The following FRAS1 variants were observed in gnomAD, a reference collection of about 807,000 sequenced individuals.
FRAS1 encodes the protein extracellular matrix organizing protein FRAS1.
Under a neutral mutation model 435.2 loss-of-function variants are expected in FRAS1, and 290 were observed. The observed-to-expected ratio is 0.67, with a 90% CI of 0.61 to 0.73. The LOEUF (loss-of-function observed/expected upper bound fraction) is 0.73. Ranked by LOEUF, FRAS1 falls within the 30% of genes least tolerant of loss-of-function variation. The pLI, the probability that FRAS1 is intolerant of heterozygous loss-of-function variation, is 0.00. For missense variants in FRAS1, 4,860 were observed against 5,001.5 expected, an observed-to-expected ratio of 0.97 and a Z score of 0.85; for synonymous variants, 1,800 against 1,851.0, an observed-to-expected ratio of 0.97 and a Z score of 0.71.
chr4:78,152,231 A>G (rs1720696422), intron 2 of FRAS1, among the ~76,000 whole-genome samples: 1 of 152,122 alleles, frequency 6.6e-6, no homozygotes. Flanking sequence ...TTGTGGATTC[A>G]TGTATTTGGA....
rs201369510 is a variant in FRAS1 at position 78,466,217 on chromosome 4, G to A, written c.7039G>A (p.Val2347Ile). Residue 2347 changes from valine (V) to isoleucine (I), a missense_variant, in exon 50 of 74, where the codon GTC becomes ATC. Transcript: ENST00000512123. ...TTTGCCTTCCGGACAGGCCGAGTCT[G>A]TCACATTCACCATCGTGCAGCCTCC... ...AVDADTEAES[V>I]TFTIVQPPRH... 1.2e-6 allele frequency: 2 copies of A among 1,613,752 alleles called. No individual in the cohort carries two copies. The highest frequency in any genetic ancestry group is 2.7e-5 in the African/African-American group (2 of 74,906).
intron 6 of FRAS1, among the ~76,000 whole-genome samples, chr4:78,263,880 TA>T (rs1476013648): frequency 6.6e-6 from 1 of 152,200 alleles, no homozygotes; most frequent in East Asian, 1.9e-4. Context: ...TGATCATATA[TA>T]ATGGGGTTAA....
intron 2 of FRAS1, among the ~76,000 whole-genome samples, chr4:78,176,179 A>G (rs1210196363): frequency 6.6e-6 from 1 of 152,240 alleles, no homozygotes; most frequent in Non-Finnish European, 1.5e-5. Flanking sequence ...TATGTGAGAT[A>G]GCATTACTTC....
At chr4:78,358,658 A>G (rs182684772) in intron 20 of FRAS1, among the ~76,000 whole-genome samples, 3 of 152,344 alleles carry the variant, frequency 2.0e-5, no homozygotes, top group African/African-American at 7.2e-5. Flanking sequence ...TAATAATAAT[A>G]TGAATTGTAC....
At chr4:78,537,444 A>G (rs7689740) in intron 72 of FRAS1, among the ~76,000 whole-genome samples, 44,906 of 152,202 alleles carry the variant, frequency 0.3, 7,635 homozygotes, top group South Asian at 0.53. Context: ...TTCTCAGAGT[A>G]TGGTTCAGAG....
In FRAS1 at chr4:78,104,150, C is replaced by T. The variant is rs751615262; in HGVS notation, c.108+38134C>T. Among the ~76,000 whole-genome samples the T allele has an allele frequency of 4.6e-5, 7 of 152,278 alleles. No homozygotes were observed. The East Asian group carries it at 5.8e-4, about 13-fold the overall frequency. The stretch of plus-strand genomic sequence containing the variant: ...TCTTCCAGGAATGTTTGTGGCATAA[C>T]TTTGGCACTCAACACAAGGCAAAAA... On this transcript the variant is annotated intron_variant, in intron 2 of 73. Coordinates refer to ENST00000512123, the MANE Select transcript of FRAS1 (RefSeq NM_025074.7).
At chr4:78,184,134 T>C (rs920897951) in intron 2 of FRAS1, among the ~76,000 whole-genome samples, 13 of 152,176 alleles carry the variant, frequency 8.5e-5, no homozygotes, top group Admixed American at 1.3e-4. Context: ...AATTGTCCCA[T>C]TTATTCCTCA....
intron 2 of FRAS1, among the ~76,000 whole-genome samples, chr4:78,224,225 A>G (rs1280655451): frequency 6.6e-6 from 1 of 152,206 alleles, no homozygotes; most frequent in African/African-American, 2.4e-5. Flanking sequence ...TCTTCCTGAA[A>G]CCAGAATCAC....
intron 20 of FRAS1, 98 bp downstream of exon 20, chr4:78,337,915 C>A (rs1392764579): frequency 2.5e-6 from 3 of 1,190,086 alleles, no homozygotes; most frequent in Non-Finnish European, 1.2e-6. Flanking sequence ...AGTTTATGAG[C>A]TCTTTTATAG....
intron 48 of FRAS1, 63 bp from the exon 49 acceptor site, chr4:78,464,379 AC>A: frequency 6.3e-7 from 1 of 1,599,158 alleles, no homozygotes; most frequent in Non-Finnish European, 8.6e-7. Flanking sequence ...GAGAGCACCT[AC>A]CTTGGACTTG....
intron 69 of FRAS1, among the ~76,000 whole-genome samples, chr4:78,523,715 A>C (rs1336377769): frequency 6.6e-6 from 1 of 152,156 alleles, no homozygotes; most frequent in Non-Finnish European, 1.5e-5. Flanking sequence ...TTTGAAATTG[A>C]TATCTAATAA....
In FRAS1 at chr4:78,381,549, C is replaced by A. The variant is rs145428331; in HGVS notation, c.3563+1553C>A. On this transcript the variant is annotated intron_variant, in intron 27 of 73. Transcript: ENST00000512123. ...AAGTGATCTGCCTGCCTTGGCCTCC[C>A]AAAGTGCTGCAATTACATGTGTGAG... Among the ~76,000 whole-genome samples, 720 of 152,308 alleles carry A rather than the reference C, an allele frequency of 4.7e-3. 11 individuals carry two copies. The highest frequency in any genetic ancestry group is 0.024 in the East Asian group (125 of 5,180).
At chr4:78,275,837 A>G (rs1282420383) in intron 9 of FRAS1, among the ~76,000 whole-genome samples, 5 of 151,924 alleles carry the variant, frequency 3.3e-5, no homozygotes, top group African/African-American at 1.2e-4. Context: ...CGTTCTCTGT[A>G]TTTCCTCAAT....
chr4:78,314,990 G>A (rs906565525), intron 15 of FRAS1, among the ~76,000 whole-genome samples: 2 of 152,120 alleles, frequency 1.3e-5, no homozygotes, highest in Non-Finnish European at 2.9e-5. Context: ...TGAAAACTAA[G>A]TTGATTTTGT....
intron 2 of FRAS1, among the ~76,000 whole-genome samples, chr4:78,194,997 T>G (rs758551172): frequency 6.6e-6 from 1 of 152,206 alleles, no homozygotes. Context: ...AACAGTCAGG[T>G]CCCTCAGCTG....
chr4:78,180,753 G>A (rs531265141), intron 2 of FRAS1: 6 of 856,454 alleles, frequency 7.0e-6, no homozygotes, highest in Non-Finnish European at 1.1e-5. Flanking sequence ...GGTGTGAATG[G>A]TATGAATGAC....
chr4:78,191,045 G>A (rs11721713), intron 2 of FRAS1, among the ~76,000 whole-genome samples: 93,519 of 152,014 alleles, frequency 0.62, 29,645 homozygotes, highest in South Asian at 0.83. Flanking sequence ...CTCAGTGAGA[G>A]GGTGGCCATC....
Position 78,312,824 on chromosome 4 carries a change from C to G in FRAS1, c.1679-2770C>G, listed in dbSNP as rs1441656408. 3.0e-5 allele frequency among the ~76,000 whole-genome samples: 4 copies of G among 131,782 alleles called. No individual in the cohort carries two copies. The Admixed American group carries it at 3.2e-4, about 11-fold the overall frequency. The allele number at this position is 131,782 out of a possible 152,430, so 86.5% of individuals were successfully genotyped here. ...TCCAGCTTGGGTGACAGAGTGAGACCCTGTCTGAAAGAAAGAAAAAGAAAG... is the reference window on the plus strand; with the variant it reads ...TCCAGCTTGGGTGACAGAGTGAGACGCTGTCTGAAAGAAAGAAAAAGAAAG... On this transcript the variant is annotated intron_variant, in intron 15 of 73. Coordinates refer to ENST00000512123, the MANE Select transcript of FRAS1 (RefSeq NM_025074.7).
At position 78,451,858 on chromosome 4, in the gene FRAS1, T is replaced by C; in HGVS notation, c.6550T>C (p.Leu2184=). 1.9e-6 allele frequency: 3 copies of C among 1,613,146 alleles called. No individual in the cohort carries two copies. Among genetic ancestry groups the C allele is most frequent in the Non-Finnish European group, 1.7e-6 (2 of 1,179,506 alleles). Residue 2184 remains leucine, a synonymous_variant, in exon 46 of 74, where the codon TTG becomes CTG. Transcript: ENST00000512123. Reference sequence around the variant, plus strand: ...TGTGGTTGATGGAGAAGGCAACAGATTGATTGACAAGTCATTTTCCATCAG... The same window carrying C: ...TGTGGTTGATGGAGAAGGCAACAGACTGATTGACAAGTCATTTTCCATCAG... ...FDVVDGEGNR[L]IDKSFSISIL... is the part of the protein sequence containing the mutation.
Sources: allele counts gnomAD v4.1 joint callset (sites outside exome capture counted in the v4.1 genomes callset), GRCh38; gene constraint gnomAD v4.1.1; transcripts MANE v1.5; gene names NCBI Gene and HGNC (gene_info 2026-07-23, HGNC 2026-07-21).